The following PARD3 variants were observed in gnomAD, a reference collection of about 807,000 sequenced individuals.
PARD3 encodes the protein partitioning defective 3 homolog.
PARD3 carries 75 observed loss-of-function variants against 155.4 expected under a neutral mutation model. That is an observed-to-expected ratio of 0.48 (90% CI 0.40 to 0.58). The LOEUF (loss-of-function observed/expected upper bound fraction) is 0.58, where lower values mean the gene tolerates loss of function less well. PARD3 is among the 20% of genes least tolerant of loss of function. PARD3 has a pLI of 0.00. For missense variants in PARD3, 1,642 were observed against 1,721.7 expected, an observed-to-expected ratio of 0.95 and a Z score of 0.82; for synonymous variants, 576 against 610.5, an observed-to-expected ratio of 0.94 and a Z score of 0.83.
intron 3 of PARD3, among the ~76,000 whole-genome samples, chr10:34,501,726 C>A (rs2080721875): frequency 6.6e-6 from 1 of 151,880 alleles, no homozygotes; most frequent in Non-Finnish European, 1.5e-5. Context: ...CCCTCCCACC[C>A]TCCTCCCCGC....
At chr10:34,712,439 G>A (rs2094461346) in intron 1 of PARD3, among the ~76,000 whole-genome samples, 1 of 152,148 alleles carries the variant, frequency 6.6e-6, no homozygotes, top group South Asian at 2.1e-4. Context: ...TCTGATTACA[G>A]AGCACTTCTG....
chr10:34,719,460 G>A (rs907332680), intron 1 of PARD3, among the ~76,000 whole-genome samples: 1 of 151,950 alleles, frequency 6.6e-6, no homozygotes, highest in Admixed American at 6.6e-5. Flanking sequence ...ATACATTCCT[G>A]AGTGCAGTGC....
At chr10:34,737,750 C>T (rs1248093906) in intron 1 of PARD3, among the ~76,000 whole-genome samples, 2 of 152,190 alleles carry the variant, frequency 1.3e-5, no homozygotes, top group Admixed American at 6.5e-5. Flanking sequence ...GCCTTCAGAG[C>T]CGTGAGAAAT....
At chr10:34,304,805 C>T (rs1368542722) in intron 20 of PARD3, among the ~76,000 whole-genome samples, 3 of 152,188 alleles carry the variant, frequency 2.0e-5, no homozygotes, top group Admixed American at 6.5e-5. Context: ...GCAGTGTCCA[C>T]CAGTATCAAC....
At chr10:34,145,221 A>ATATATATATATATATATTTT (rs1491430560) in intron 22 of PARD3, among the ~76,000 whole-genome samples, 1 of 33,972 alleles carries the variant, frequency 2.9e-5, no homozygotes, top group African/African-American at 1.4e-4. Flanking sequence ...ATATATATAT[A>ATATATATATATATATATTTT]TTTTTTTTTT....
At chr10:34,732,789 T>C (rs775886904) in intron 1 of PARD3, among the ~76,000 whole-genome samples, 12 of 152,204 alleles carry the variant, frequency 7.9e-5, no homozygotes, top group Non-Finnish European at 1.8e-4. Flanking sequence ...GCCATAATAT[T>C]TGCCTTTGCA....
chr10:34,772,792 TAAAAAAAAAAAA>T (rs555582256), intron 1 of PARD3, among the ~76,000 whole-genome samples: 2 of 90,310 alleles, frequency 2.2e-5, no homozygotes, highest in Non-Finnish European at 4.4e-5. Flanking sequence ...AGACTCCATC[TAAAAAAAAAAAA>T]AAAAAAAAAA....
In PARD3 at chr10:34,111,311, T is replaced by C. The variant is rs1436598823; in HGVS notation, c.3920A>G (p.Tyr1307Cys). 1.2e-6 allele frequency: 2 copies of C among 1,614,032 alleles called. No homozygotes were observed. The highest frequency in any genetic ancestry group is 3.3e-5 in the Admixed American group (2 of 60,020). The change falls in exon 25 of 25, where the codon TAT becomes TGT. Residue 1307 changes from tyrosine (Y) to cysteine (C), a missense_variant. Around this residue, in one of 3 missense-constraint regions of PARD3, gnomAD observed 1,529 missense variants for 1,587.3 expected, o/e 0.96. Transcript: ENST00000374788. ...GTCCTGGACTTTCTTATACGAGTCA[T>C]AGTTGCTGGGCCCCTCGGAAGGAGG... is the stretch of plus-strand genomic sequence containing the variant. Reference protein sequence around the residue: ...KQPPSEGPSNYDSYKKVQDPS... With the variant: ...KQPPSEGPSNCDSYKKVQDPS...
intron 2 of PARD3, among the ~76,000 whole-genome samples, chr10:34,616,930 C>CAAA (rs1171920434): frequency 0.049 from 4,339 of 89,102 alleles, 274 homozygotes; most frequent in African/African-American, 0.14. Context: ...GCACCTGTCT[C>CAAA]AAAAAAAAAA....
intron 2 of PARD3, among the ~76,000 whole-genome samples, chr10:34,689,901 C>T (rs985715990): frequency 2.6e-5 from 4 of 152,054 alleles, no homozygotes; most frequent in African/African-American, 9.7e-5. Context: ...TCCAAAACAA[C>T]ATCATCCACC....
At chr10:34,453,286 T>C (rs1350216152) in intron 4 of PARD3, among the ~76,000 whole-genome samples, 1 of 152,228 alleles carries the variant, frequency 6.6e-6, no homozygotes, top group African/African-American at 2.4e-5. Flanking sequence ...ATTCCCTGAT[T>C]CTCAATAGAA....
At chr10:34,404,732 T>A (rs994478273) in intron 5 of PARD3, among the ~76,000 whole-genome samples, 1 of 152,104 alleles carries the variant, frequency 6.6e-6, no homozygotes, top group African/African-American at 2.4e-5. Flanking sequence ...TATAACCTTA[T>A]GCAAGTTATG....
chr10:34,653,416 G>A (rs767092211), intron 2 of PARD3, among the ~76,000 whole-genome samples: 2 of 152,012 alleles, frequency 1.3e-5, no homozygotes, highest in Non-Finnish European at 2.9e-5. Context: ...GGTTCATCAC[G>A]TTTAAGCACT....
intron 1 of PARD3, among the ~76,000 whole-genome samples, chr10:34,704,841 A>G (rs1428593907): frequency 6.6e-6 from 1 of 152,208 alleles, no homozygotes; most frequent in Admixed American, 6.5e-5. Flanking sequence ...GATTAGCCAC[A>G]TGATAGTTAA....
At chr10:34,654,980 C>A (rs1432424539) in intron 2 of PARD3, among the ~76,000 whole-genome samples, 3 of 152,056 alleles carry the variant, frequency 2.0e-5, no homozygotes, top group Non-Finnish European at 2.9e-5. Flanking sequence ...CGAAAACGGA[C>A]GTGCCCAGGA....
At chr10:34,282,109 C>T (rs949478690) in intron 21 of PARD3, among the ~76,000 whole-genome samples, 2 of 140,938 alleles carry the variant, frequency 1.4e-5, no homozygotes, top group Admixed American at 1.4e-4. Flanking sequence ...ATACAAGTGC[C>T]AAACCTACTC....
At chr10:34,711,565 C>T in intron 1 of PARD3, among the ~76,000 whole-genome samples, 1 of 152,122 alleles carries the variant, frequency 6.6e-6, no homozygotes, top group East Asian at 1.9e-4. Flanking sequence ...ACTTAATAGC[C>T]TATTTCCTGT....
intron 22 of PARD3, among the ~76,000 whole-genome samples, chr10:34,221,768 G>C (rs1222506085): frequency 6.6e-6 from 1 of 152,188 alleles, no homozygotes; most frequent in East Asian, 1.9e-4. Context: ...CAAAAGTCAA[G>C]GGTGTGGGGA....
In PARD3 at chr10:34,509,364, A is replaced by G. The variant is rs1211627888; in HGVS notation, c.403+7615T>C. On this transcript the variant is annotated intron_variant, in intron 3 of 24. Coordinates refer to ENST00000374788, the MANE Select transcript of PARD3 (RefSeq NM_001184785.2). ...CCTGAAAACAAGGGGGTCAAGGTGT[A>G]ATGTGGTTTCTTCCCATCCAATTCT... Among the ~76,000 whole-genome samples the G allele has an allele frequency of 2.0e-5, 3 of 152,170 alleles. No homozygotes were observed. In the East Asian group the frequency reaches 5.8e-4, roughly 29 times the overall value.
Sources: allele counts gnomAD v4.1 joint callset (sites outside exome capture counted in the v4.1 genomes callset), GRCh38; gene constraint gnomAD v4.1.1; regional missense constraint gnomAD v4.1.1; transcripts MANE v1.5; gene names NCBI Gene and HGNC (gene_info 2026-07-23, HGNC 2026-07-21).